ONECUT2: variants seen among roughly 807,000 people sequenced by gnomAD.
The protein encoded by ONECUT2 is one cut homeobox 2, also known as one cut domain family member 2.
ONECUT2 carries 10 observed loss-of-function variants against 27.9 expected under a neutral mutation model. The observed-to-expected ratio is 0.36, with a 90% CI of 0.22 to 0.61. The LOEUF (loss-of-function observed/expected upper bound fraction) is 0.61. Ranked by LOEUF, ONECUT2 falls within the 20% of genes least tolerant of loss-of-function variation. The probability of loss-of-function intolerance (pLI) is 0.73; values close to 1 mark genes in which losing one functional copy is unlikely to be tolerated. For synonymous variants in ONECUT2, 334 were observed against 315.1 expected, an observed-to-expected ratio of 1.06 and a Z score of -0.64; for missense variants, 686 against 721.0, an observed-to-expected ratio of 0.95 and a Z score of 0.56.
intron 1 of ONECUT2, among the ~76,000 whole-genome samples, chr18:57,472,161 T>G (rs2050357597): frequency 6.6e-6 from 1 of 152,206 alleles, no homozygotes; most frequent in Non-Finnish European, 1.5e-5. Flanking sequence ...TTCGTTGGGT[T>G]TCTATCGCAT....
rs936245993 is a variant in ONECUT2, at chr18:57,487,319, C to T, written c.*10596C>T. On this transcript the variant is annotated 3_prime_UTR_variant, in exon 2 of 2. Transcript: ENST00000491143. ...ACCGTATGTGAGAGGGATTTGAAAG[C>T]GAGTATTGAAAAACTCACCTTTGCA... 1.3e-5 allele frequency: 2 copies of T among 152,192 alleles called. No homozygotes were observed. Among genetic ancestry groups the T allele is most frequent in the South Asian group, 2.1e-4 (1 of 4,820 alleles). 9.4% of individuals were successfully genotyped at this position (152,192 alleles called of 1,614,324 possible). A position where few individuals can be genotyped will look rare whatever the true frequency, so the allele number is the denominator to read the frequency against.
intron 1 of ONECUT2, chr18:57,467,029 G>C (rs374442682): frequency 4.0e-5 from 15 of 376,264 alleles, no homozygotes; most frequent in South Asian, 1.4e-4. Context: ...GGCACTCTGG[G>C]CCTTTTTCAG....
At chr18:57,450,619 C>T (rs894586694) in intron 1 of ONECUT2, among the ~76,000 whole-genome samples, 2 of 152,174 alleles carry the variant, frequency 1.3e-5, no homozygotes, top group Non-Finnish European at 2.9e-5. Flanking sequence ...TCGTTAATAG[C>T]AAAGGTTGTT....
In ONECUT2 at chr18:57,477,185, A is replaced by T. The variant is rs2050388249; in HGVS notation, c.*462A>T. The T allele has an allele frequency of 6.0e-6, 1 of 166,960 alleles. No individual in the cohort carries two copies. Among genetic ancestry groups the T allele is most frequent in the Non-Finnish European group, 1.3e-5 (1 of 76,244 alleles). The allele number at this position is 166,960 out of a possible 1,614,324, so 10.3% of individuals were successfully genotyped here. A position where few individuals can be genotyped will look rare whatever the true frequency, so the allele number is the denominator to read the frequency against. ...TAGGCTTCCAAGATACAACAATAAG[A>T]GAAGAATCTAGCAACGAGAATGACC... On this transcript the variant is annotated 3_prime_UTR_variant, in exon 2 of 2. Transcript: ENST00000491143.
rs1422265665 is a variant in ONECUT2, at chr18:57,488,980, G to T, written c.*12257G>T. 1 of 152,352 alleles carries T rather than the reference G, an allele frequency of 6.6e-6. No homozygotes were observed. The highest frequency in any genetic ancestry group is 1.5e-5 in the Non-Finnish European group (1 of 68,136). The allele number at this position is 152,352 out of a possible 1,614,324, so 9.4% of individuals were successfully genotyped here. A position where few individuals can be genotyped will look rare whatever the true frequency, so the allele number is the denominator to read the frequency against. Reference sequence around the variant, plus strand: ...TGAAGGCAGACTCCAGTTCATACATGAAAGGCAAGAAAAAGAAAATAGTAA... The same window carrying T: ...TGAAGGCAGACTCCAGTTCATACATTAAAGGCAAGAAAAAGAAAATAGTAA... On this transcript the variant is annotated 3_prime_UTR_variant, in exon 2 of 2. Coordinates refer to ENST00000491143, the MANE Select transcript of ONECUT2 (RefSeq NM_004852.3).
At chr18:57,471,550 G>A (rs1451880606) in intron 1 of ONECUT2, among the ~76,000 whole-genome samples, 1 of 152,194 alleles carries the variant, frequency 6.6e-6, no homozygotes, top group African/African-American at 2.4e-5. Context: ...GAGAGGGCTT[G>A]TGCCCGAGGC....
intron 1 of ONECUT2, among the ~76,000 whole-genome samples, chr18:57,450,453 C>T (rs752930249): frequency 1.6e-4 from 24 of 152,132 alleles, no homozygotes; most frequent in Non-Finnish European, 2.8e-4. Flanking sequence ...GGATTACAGG[C>T]GTGAGCCACT....
chr18:57,443,152 G>A lies in ONECUT2; in HGVS notation c.1228+6208G>A, dbSNP rs945222527. 2.0e-5 allele frequency among the ~76,000 whole-genome samples: 3 copies of A among 152,182 alleles called. 1 individual carries two copies. The highest frequency in any genetic ancestry group is 4.4e-5 in the Non-Finnish European group (3 of 68,012). Reference sequence around the variant, plus strand: ...CTGTCTTCATGAAAAGTGGTATCATGGAGGGGGATCCCTGGAGCAAGGAAG... The same window carrying A: ...CTGTCTTCATGAAAAGTGGTATCATAGAGGGGGATCCCTGGAGCAAGGAAG... On this transcript the variant is annotated intron_variant, in intron 1 of 1. Coordinates refer to ENST00000491143, the MANE Select transcript of ONECUT2 (RefSeq NM_004852.3).
Position 57,435,672 on chromosome 18 carries a change from GGCCGCCCCC to G in ONECUT2, c.-25_-17del, listed in dbSNP as rs760571982. On this transcript the variant is annotated 5_prime_UTR_variant, in exon 1 of 2. Transcript: ENST00000491143. ...GCCACGCGCGCCTTGCCCGCCCGCC[GGCCGCCCCC>G]GCCGCCCCCGCCGCCCCCGGGCCCT... 1.1e-3 allele frequency: 782 copies of G among 707,218 alleles called. 3 individuals carry two copies. The highest frequency in any genetic ancestry group is 3.5e-3 in the Middle Eastern group (5 of 1,432). 43.8% of individuals were successfully genotyped at this position (707,218 alleles called of 1,614,324 possible).
intron 1 of ONECUT2, among the ~76,000 whole-genome samples, chr18:57,449,977 T>G (rs375551172): frequency 2.6e-5 from 4 of 152,144 alleles, no homozygotes; most frequent in Non-Finnish European, 5.9e-5. Flanking sequence ...GGAGGGGAGA[T>G]AGCATATCTT....
chr18:57,453,146 C>G (rs1295967557), intron 1 of ONECUT2, among the ~76,000 whole-genome samples: 3 of 152,154 alleles, frequency 2.0e-5, no homozygotes, highest in Non-Finnish European at 2.9e-5. Context: ...TTATTGCATC[C>G]TCCTTCTTCC....
rs562332497 is a variant in ONECUT2, at chr18:57,435,435, G to C, written c.-282G>C. ...AAGACGTCGGCGCCGGAGCGGGCTC[G>C]GACATGGCGAGGCTGCGAGCCGGCC... On this transcript the variant is annotated 5_prime_UTR_variant, in exon 1 of 2. Coordinates refer to ENST00000491143, the MANE Select transcript of ONECUT2 (RefSeq NM_004852.3). 2.0e-5 allele frequency among the ~76,000 whole-genome samples: 3 copies of C among 151,570 alleles called. No homozygotes were observed. Among genetic ancestry groups the C allele is most frequent in the African/African-American group, 4.8e-5 (2 of 41,320 alleles).
At chr18:57,465,499 T>C (rs778445531) in intron 1 of ONECUT2, among the ~76,000 whole-genome samples, 1 of 152,236 alleles carries the variant, frequency 6.6e-6, no homozygotes, top group Non-Finnish European at 1.5e-5. Context: ...TTACATATGG[T>C]TACTTACAAA....
chr18:57,438,318 G>A (rs112046371), intron 1 of ONECUT2, among the ~76,000 whole-genome samples: 2 of 152,350 alleles, frequency 1.3e-5, no homozygotes, highest in African/African-American at 4.8e-5. Context: ...GGTGGAGGGG[G>A]GTATCTTTCA....
At chr18:57,470,846 C>G (rs533812) in intron 1 of ONECUT2, among the ~76,000 whole-genome samples, 13,927 of 152,118 alleles carry the variant, frequency 0.092, 729 homozygotes, top group Middle Eastern at 0.21. Flanking sequence ...TGGGCCCTCC[C>G]CCATCTCTCT....
intron 1 of ONECUT2, chr18:57,467,071 A>G: frequency 4.7e-6 from 2 of 423,246 alleles, no homozygotes; most frequent in Non-Finnish European, 9.5e-6. Context: ...GTCGTGAGAC[A>G]TCCAAGAGCC....
At chr18:57,440,094 A>T (rs555787590) in intron 1 of ONECUT2, among the ~76,000 whole-genome samples, 2 of 152,238 alleles carry the variant, frequency 1.3e-5, no homozygotes, top group Non-Finnish European at 2.9e-5. Flanking sequence ...ATTTCAGAGA[A>T]ATTGACTCCA....
rs1331351845 is a variant in ONECUT2 at position 57,438,185 on chromosome 18, TG to T, written c.1228+1243del. ...GCGCACGGACCCCGCGCGGTGTGCG[TG>T]GCGACTGCGCTGCCCCTAGGAGCAA... is the stretch of plus-strand genomic sequence containing the variant. On this transcript the variant is annotated intron_variant, in intron 1 of 1. Coordinates refer to ENST00000491143, the MANE Select transcript of ONECUT2 (RefSeq NM_004852.3). Among the ~76,000 whole-genome samples the T allele has an allele frequency of 3.3e-5, 5 of 152,344 alleles. No homozygotes were observed. In the South Asian group the frequency reaches 8.3e-4, roughly 25 times the overall value.
intron 1 of ONECUT2, among the ~76,000 whole-genome samples, chr18:57,449,327 A>T (rs549794171): frequency 5.1e-4 from 78 of 152,344 alleles, no homozygotes; most frequent in Middle Eastern, 6.8e-3. Context: ...ATCTGTGAAT[A>T]AGTTAATAAA....
Sources: allele counts gnomAD v4.1 joint callset (sites outside exome capture counted in the v4.1 genomes callset), GRCh38; gene constraint gnomAD v4.1.1; transcripts MANE v1.5; gene names NCBI Gene and HGNC (gene_info 2026-07-23, HGNC 2026-07-21).